The following EPB41L1 variants were observed in gnomAD, a reference collection of about 807,000 sequenced individuals.
The protein encoded by EPB41L1 is erythrocyte membrane protein band 4.1 like 1, also known as band 4.1-like protein 1.
EPB41L1 carries 29 observed loss-of-function variants against 97.8 expected under a neutral mutation model. The observed-to-expected ratio is 0.30, with a 90% CI of 0.22 to 0.40. The LOEUF (loss-of-function observed/expected upper bound fraction) is 0.40. Ranked by LOEUF, EPB41L1 falls within the 10% of genes least tolerant of loss-of-function variation. EPB41L1 has a pLI of 1.00. For missense variants in EPB41L1, 812 were observed against 1,162.3 expected, an observed-to-expected ratio of 0.70 and a Z score of 4.38; for synonymous variants, 383 against 459.2, an observed-to-expected ratio of 0.83 and a Z score of 2.12.
intron 12 of EPB41L1, among the ~76,000 whole-genome samples, chr20:36,194,583 C>G (rs532599429): frequency 6.6e-6 from 1 of 152,198 alleles, no homozygotes; most frequent in Non-Finnish European, 1.5e-5. Context: ...GTACTCTCCC[C>G]AGCTTTGCCC....
intron 2 of EPB41L1, among the ~76,000 whole-genome samples, chr20:36,115,972 A>T (rs2058573038): frequency 6.6e-6 from 1 of 152,244 alleles, no homozygotes. Flanking sequence ...GGGGAAACTG[A>T]GGCTCAGAGG....
intron 11 of EPB41L1, among the ~76,000 whole-genome samples, chr20:36,193,713 A>C (rs1223478877): frequency 6.6e-6 from 1 of 152,218 alleles, no homozygotes; most frequent in Non-Finnish European, 1.5e-5. Context: ...AGCTAGTCTC[A>C]CAATATTTGT....
At chr20:36,217,200 T>G (rs967082451) in intron 17 of EPB41L1, among the ~76,000 whole-genome samples, 6 of 152,178 alleles carry the variant, frequency 3.9e-5, no homozygotes, top group Non-Finnish European at 5.9e-5. Context: ...GAGGTGCCTG[T>G]GGAACATTTC....
chr20:36,207,428 T>C lies in EPB41L1; in HGVS notation c.1669-2060T>C. 3 of 1,289,746 alleles carry C rather than the reference T, an allele frequency of 2.3e-6. No individual in the cohort carries two copies. Among genetic ancestry groups the C allele is most frequent in the Non-Finnish European group, 3.0e-6 (3 of 988,852 alleles). 79.9% of individuals were successfully genotyped at this position (1,289,746 alleles called of 1,614,324 possible). On this transcript the variant is annotated intron_variant, in intron 14 of 21. Transcript: ENST00000338074. The surrounding 1 kb of genome is among the most constrained non-coding windows in gnomAD (Gnocchi z 4.9). ...GACCAAGAGGGCTCCCTAGAAGATA[T>C]TAGCAAGACCTCAGTGGCCAACAAA... is the stretch of plus-strand genomic sequence containing the variant.
chr20:36,173,976 C>A (rs761280005), intron 2 of EPB41L1, 22 bp downstream of exon 2: 1 of 1,602,116 alleles, frequency 6.2e-7, no homozygotes, highest in Non-Finnish European at 8.5e-7. Flanking sequence ...AGAGCATGGG[C>A]GTACCTTTCC....
upstream of EPB41L1, chr20:36,154,660 C>T (rs1354587923): frequency 1.0e-6 from 1 of 972,762 alleles, no homozygotes; most frequent in African/African-American, 1.8e-5. This position sits in a 1 kb window ranked among gnomAD's most constrained non-coding sequence, Gnocchi z 5.5. Context: ...GGCCGCGCGT[C>T]GGGCGCCAGG....
rs1555836027 is a variant in EPB41L1, at chr20:36,129,934, G to GC, written c.-10+17454_-10+17455insC. On this transcript the variant is annotated intron_variant, in intron 2 of 19. Coordinates refer to the EPB41L1 transcript ENST00000202028. ...GTGTGCCACTGCACCCGGCAGGTTTGTTTTTTTTTTTTGTTTTTTTTTTTT... is the reference window on the plus strand; with the variant it reads ...GTGTGCCACTGCACCCGGCAGGTTTGCTTTTTTTTTTTTGTTTTTTTTTTTT... Among the ~76,000 whole-genome samples, 129 of 130,524 alleles carry GC rather than the reference G, an allele frequency of 9.9e-4. 1 individual carries two copies. Among genetic ancestry groups the GC allele is most frequent in the African/African-American group, 3.4e-3 (121 of 35,834 alleles). 85.6% of individuals were successfully genotyped at this position (130,524 alleles called of 152,430 possible). A position where few individuals can be genotyped will look rare whatever the true frequency, so the allele number is the denominator to read the frequency against.
At chr20:36,174,579 T>C (rs546332264) in intron 2 of EPB41L1, among the ~76,000 whole-genome samples, 224 of 149,370 alleles carry the variant, frequency 1.5e-3, no homozygotes, top group Middle Eastern at 3.4e-3. Flanking sequence ...GGCCTTTTTT[T>C]TTTTTTTTTA....
At chr20:36,216,521 GATGTCATCAGAT>G (rs1215364616) in intron 17 of EPB41L1, among the ~76,000 whole-genome samples, 17 of 152,318 alleles carry the variant, frequency 1.1e-4, no homozygotes, top group African/African-American at 4.1e-4. Flanking sequence ...TTAGGGACAT[GATGTCATCAGAT>G]ATGTGTTTCT....
At chr20:36,147,703 G>A (rs2059894027) in intron 2 of EPB41L1, among the ~76,000 whole-genome samples, 1 of 152,172 alleles carries the variant, frequency 6.6e-6, no homozygotes, top group Non-Finnish European at 1.5e-5. Context: ...TGGTGATGCT[G>A]CAGCACCTTC....
At chr20:36,200,439 A>G (rs2062436143) in intron 14 of EPB41L1, among the ~76,000 whole-genome samples, 1 of 151,504 alleles carries the variant, frequency 6.6e-6, no homozygotes, top group African/African-American at 2.4e-5. Flanking sequence ...CCAAGGGGAA[A>G]ACAGAGGGAA....
intron 2 of EPB41L1, among the ~76,000 whole-genome samples, chr20:36,118,956 T>C (rs2058668891): frequency 6.6e-6 from 1 of 152,162 alleles, no homozygotes; most frequent in Non-Finnish European, 1.5e-5. Flanking sequence ...AATTAGAGTT[T>C]TAGAGAGTTG....
chr20:36,159,627 T>A (rs1365032189), intron 1 of EPB41L1, among the ~76,000 whole-genome samples: 1 of 152,208 alleles, frequency 6.6e-6, no homozygotes, highest in African/African-American at 2.4e-5. Flanking sequence ...ACTTGTCCGA[T>A]GAAAGAATGA....
chr20:36,100,245 C>T (rs546471612), intron 1 of EPB41L1, among the ~76,000 whole-genome samples: 7 of 152,216 alleles, frequency 4.6e-5, no homozygotes, highest in Non-Finnish European at 8.8e-5. Context: ...AAGCCAGGCC[C>T]CTCCTTGGCC....
intron 1 of EPB41L1, among the ~76,000 whole-genome samples, chr20:36,166,235 A>G (rs11697806): frequency 3.3e-5 from 5 of 152,238 alleles, no homozygotes; most frequent in Non-Finnish European, 1.5e-5. Flanking sequence ...AATCTGCTGA[A>G]TGTGAATTCT....
At chr20:36,140,036 G>GT (rs933589393) in intron 2 of EPB41L1, among the ~76,000 whole-genome samples, 13 of 144,294 alleles carry the variant, frequency 9.0e-5, no homozygotes, top group South Asian at 2.2e-4. Flanking sequence ...GGCCTAGGTG[G>GT]TTTTTTTTTG....
chr20:36,104,608 G>T (rs1322556622), intron 1 of EPB41L1, among the ~76,000 whole-genome samples: 1 of 152,196 alleles, frequency 6.6e-6, no homozygotes, highest in South Asian at 2.1e-4. Flanking sequence ...TGCTAAGAAT[G>T]GTGGCAAGTG....
intron 1 of EPB41L1, among the ~76,000 whole-genome samples, chr20:36,096,014 A>G (rs2057819338): frequency 6.6e-6 from 1 of 150,790 alleles, no homozygotes; most frequent in Non-Finnish European, 1.5e-5. Context: ...TGACAGAGCG[A>G]GACTCCATCT....
intron 14 of EPB41L1, chr20:36,208,463 T>G (rs562838144): frequency 1.9e-5 from 6 of 323,964 alleles, no homozygotes; most frequent in Non-Finnish European, 3.1e-5. Context: ...CCGGCCAGGA[T>G]GCATCGCCGC....
Sources: gnomAD v4.1 joint callset for allele counts (sites outside exome capture counted in the v4.1 genomes callset) on GRCh38, gnomAD v4.1.1 for gene constraint, Gnocchi (gnomAD v3.1) non-coding constraint, MANE v1.5 for transcripts, NCBI Gene and HGNC (gene_info 2026-07-23, HGNC 2026-07-21) for gene names.